The following DDX1 variants were observed in gnomAD, a reference collection of about 807,000 sequenced individuals.
The protein encoded by DDX1 is ATP-dependent RNA helicase DDX1.
Under a neutral mutation model 108.7 loss-of-function variants are expected in DDX1, and 28 were observed. That is an observed-to-expected ratio of 0.26 (90% CI 0.19 to 0.35). The LOEUF (loss-of-function observed/expected upper bound fraction) is 0.35, where lower values mean the gene tolerates loss of function less well. Among genes scored for constraint, DDX1 ranks in the 10% least tolerant of loss-of-function variants. The pLI, the probability that DDX1 is intolerant of heterozygous loss-of-function variation, is 1.00. For missense variants in DDX1, 710 were observed against 884.5 expected (o/e 0.80, Z 2.50); for synonymous variants, 295 against 288.9 (o/e 1.02, Z -0.21).
chr2:15,602,464 T>C (rs1159107620), intron 6 of DDX1, 84 bp from the exon 7 acceptor site: 4 of 871,328 alleles, frequency 4.6e-6, no homozygotes, highest in Non-Finnish European at 7.5e-6. Flanking sequence ...GACTGAATGA[T>C]TTTTTTTGGT....
In DDX1 at chr2:15,613,167, T is replaced by C; in HGVS notation, c.957-57T>C. On this transcript the variant is annotated intron_variant, in intron 13 of 25. Coordinates refer to ENST00000233084, the MANE Select transcript of DDX1 (RefSeq NM_004939.3). ...AAATAAATGGATGCAGATCAAACAA[T>C]GTAAAGCAGACTTTAATTTTTTTTT... 1.2e-5 allele frequency: 15 copies of C among 1,207,056 alleles called. No homozygotes were observed. In the South Asian group the frequency reaches 1.6e-4, roughly 13 times the overall value. The allele number at this position is 1,207,056 out of a possible 1,614,324, so 74.8% of individuals were successfully genotyped here.
At chr2:15,593,871 T>C (rs1331367272) in intron 1 of DDX1, among the ~76,000 whole-genome samples, 1 of 151,900 alleles carries the variant, frequency 6.6e-6, no homozygotes, top group Admixed American at 6.6e-5. Flanking sequence ...GGTCAGGAGA[T>C]TGAGACCATC....
intron 13 of DDX1, among the ~76,000 whole-genome samples, chr2:15,608,663 G>GTTTTTTTTTTTTTTTT: frequency 9.4e-6 from 1 of 106,728 alleles, no homozygotes; most frequent in Non-Finnish European, 1.8e-5. Context: ...TTTTTTTTAG[G>GTTTTTTTTTTTTTTTT]TTTTTTTTTT....
chr2:15,621,225 G>A, intron 18 of DDX1, 109 bp downstream of exon 18: 3 of 715,384 alleles, frequency 4.2e-6, no homozygotes, highest in South Asian at 1.8e-5. Flanking sequence ...CAGGAAATTT[G>A]GAAATAAAGG....
chr2:15,628,667 C>G lies in DDX1; in HGVS notation c.1789C>G (p.Gln597Glu). 1 of 1,612,948 alleles carries G rather than the reference C, an allele frequency of 6.2e-7. No homozygotes were observed. Among genetic ancestry groups the G allele is most frequent in the Non-Finnish European group, 8.5e-7 (1 of 1,179,406 alleles). Residue 597 changes from glutamine (Q) to glutamate (E), a missense_variant, in exon 22 of 26, where the codon CAA becomes GAA. Gln to Glu is a conservative substitution (Grantham distance 29). Around this residue, in one of 3 missense-constraint regions of DDX1, gnomAD observed 661 missense variants for 810.2 expected, o/e 0.82. Transcript: ENST00000233084. Reference sequence around the variant, plus strand: ...AAATGTCACTCTGCCCGATGAAAAGCAAAACTACGTACATCGAATTGGCAG... The same window carrying G: ...AAATGTCACTCTGCCCGATGAAAAGGAAAACTACGTACATCGAATTGGCAG... ...VINVTLPDEK[Q>E]NYVHRIGRVG...
intron 19 of DDX1, among the ~76,000 whole-genome samples, chr2:15,624,809 A>G (rs1338117945): frequency 6.6e-6 from 1 of 151,688 alleles, no homozygotes; most frequent in Non-Finnish European, 1.5e-5. Flanking sequence ...ACAACACCGA[A>G]TTTTGGCTGT....
At chr2:15,595,043 A>G (rs1665476778) in intron 1 of DDX1, 102 bp from the exon 2 acceptor site, 1 of 853,872 alleles carries the variant, frequency 1.2e-6, no homozygotes, top group Admixed American at 2.6e-5. Flanking sequence ...TAACTGAGCT[A>G]TCCTTCAAAA....
At chr2:15,605,915 T>C (rs369324317) in intron 10 of DDX1, 35 bp from the exon 11 acceptor site, 1 of 1,406,610 alleles carries the variant, frequency 7.1e-7, no homozygotes, top group Non-Finnish European at 9.6e-7. Flanking sequence ...TCTTTTCTGA[T>C]TGTTTTAATC....
rs376161461 is a variant in DDX1 at position 15,629,749 on chromosome 2, A to C, written c.1971+52A>C. On this transcript the variant is annotated intron_variant, in intron 24 of 25. Transcript: ENST00000233084. ...TAATGTATTAAAATGGTAGAATAGA[A>C]AGCATTTATCTTCAAAAATTATATC... 2.9e-4 allele frequency: 398 copies of C among 1,357,606 alleles called. No individual in the cohort carries two copies. In the African/African-American group the frequency reaches 5.5e-3, roughly 19 times the overall value. 84.1% of individuals were successfully genotyped at this position (1,357,606 alleles called of 1,614,324 possible).
chr2:15,602,738 C>G, intron 7 of DDX1, 107 bp downstream of exon 7: 1 of 846,448 alleles, frequency 1.2e-6, no homozygotes, highest in East Asian at 2.7e-5. Context: ...TCTCGCACGT[C>G]GCCCGGGCTG....
chr2:15,607,427 G>A (rs996549617), intron 13 of DDX1, 114 bp downstream of exon 13: 14 of 789,552 alleles, frequency 1.8e-5, no homozygotes, highest in Admixed American at 2.7e-5. Flanking sequence ...CATAATACAC[G>A]TGTGTGAGTA....
At chr2:15,618,156 AATTT>A in intron 15 of DDX1, 21 bp from the exon 16 acceptor site, 2 of 1,406,442 alleles carry the variant, frequency 1.4e-6, no homozygotes, top group East Asian at 2.3e-5. Context: ...TTAAAAACTT[AATTT>A]ATTCTTTGTT....
At chr2:15,596,436 A>G (rs1350044602) in intron 3 of DDX1, among the ~76,000 whole-genome samples, 1 of 152,208 alleles carries the variant, frequency 6.6e-6, no homozygotes, top group Non-Finnish European at 1.5e-5. Context: ...AGCAGATTGT[A>G]GTATAGCTCT....
chr2:15,598,909 G>T (rs1573036647), intron 5 of DDX1, among the ~76,000 whole-genome samples: 1 of 151,158 alleles, frequency 6.6e-6, no homozygotes, highest in Admixed American at 6.6e-5. Context: ...TTTGAATGTG[G>T]TATTGAATTA....
chr2:15,628,315 T>C lies in DDX1; in HGVS notation c.1687-130T>C. 4.7e-6 allele frequency: 3 copies of C among 639,200 alleles called. No homozygotes were observed. In the East Asian group the frequency reaches 8.1e-5, roughly 17 times the overall value. 39.6% of individuals were successfully genotyped at this position (639,200 alleles called of 1,614,324 possible). On this transcript the variant is annotated intron_variant, in intron 20 of 25. Coordinates refer to ENST00000233084, the MANE Select transcript of DDX1 (RefSeq NM_004939.3). ...AAGACTTGGTCCAGTAAATTAGGAG[T>C]ATGTCGACCTCTAATCTGATAGTAA...
chr2:15,617,724 C>T (rs999347276), intron 15 of DDX1, among the ~76,000 whole-genome samples: 1 of 152,182 alleles, frequency 6.6e-6, no homozygotes, highest in Admixed American at 6.5e-5. Context: ...ACATTTTCTA[C>T]ATACTATAAA....
intron 14 of DDX1, 100 bp from the exon 15 acceptor site, chr2:15,617,144 T>C (rs576537929): frequency 6.0e-6 from 3 of 501,010 alleles, no homozygotes; most frequent in South Asian, 4.6e-5. Flanking sequence ...ACTACTTCAA[T>C]ATGCATGTTT....
chr2:15,592,030 G>A, intron 1 of DDX1, 81 bp downstream of exon 1: 2 of 1,257,790 alleles, frequency 1.6e-6, no homozygotes, highest in East Asian at 3.2e-5. Context: ...AGAGCTAAAG[G>A]GGCGGGAGCG....
At chr2:15,592,566 A>G (rs998375983) in intron 1 of DDX1, among the ~76,000 whole-genome samples, 3 of 152,170 alleles carry the variant, frequency 2.0e-5, no homozygotes, top group African/African-American at 7.2e-5. Flanking sequence ...AGTTTGGAAA[A>G]TTCATATTTA....
Sources: allele counts gnomAD v4.1 joint callset (sites outside exome capture counted in the v4.1 genomes callset), GRCh38; gene constraint gnomAD v4.1.1; regional missense constraint gnomAD v4.1.1; transcripts MANE v1.5; gene names NCBI Gene and HGNC (gene_info 2026-07-23, HGNC 2026-07-21).